COL4A5: variants seen among roughly 807,000 people sequenced by gnomAD.
The protein encoded by COL4A5 is collagen alpha-5(IV) chain.
In COL4A5, 26 loss-of-function variants were observed where a neutral mutation model predicts 130.2. The observed-to-expected ratio is 0.20, with a 90% CI of 0.15 to 0.28. The LOEUF (loss-of-function observed/expected upper bound fraction) is 0.28. COL4A5 is among the 10% of genes least tolerant of loss of function. COL4A5 has a pLI of 1.00. For missense variants in COL4A5, 1,131 were observed against 1,344.3 expected (o/e 0.84, Z 2.48); for synonymous variants, 496 against 439.6 (o/e 1.13, Z -1.60).
intron 1 of COL4A5, among the ~76,000 whole-genome samples, chrX:108,490,892 A>G (rs1203308927): frequency 8.9e-6 from 1 of 111,872 alleles, no homozygotes; most frequent in Non-Finnish European, 1.9e-5. Flanking sequence ...ATAAGTGAGA[A>G]CATACAGTAT....
intron 1 of COL4A5, among the ~76,000 whole-genome samples, chrX:108,531,533 G>A (rs1219798522): frequency 9.2e-6 from 1 of 109,196 alleles, no homozygotes; most frequent in Non-Finnish European, 1.9e-5. Flanking sequence ...ATCTAGCAAT[G>A]CACCTCAAGG....
At chrX:108,628,691 T>G (rs1219813013) in intron 36 of COL4A5, among the ~76,000 whole-genome samples, 1 of 112,089 alleles carries the variant, frequency 8.9e-6, no homozygotes, top group Non-Finnish European at 1.9e-5. Context: ...TTTCTCCCAG[T>G]CAGTTGTTTG....
chrX:108,441,500 C>G (rs761543455), intron 1 of COL4A5, among the ~76,000 whole-genome samples: 105 of 112,062 alleles, frequency 9.4e-4, no homozygotes, highest in Non-Finnish European at 2.8e-4. Flanking sequence ...TCATATTACT[C>G]TGAGCACAAC....
intron 1 of COL4A5, among the ~76,000 whole-genome samples, chrX:108,470,626 T>A (rs776122680): frequency 8.9e-6 from 1 of 111,940 alleles, no homozygotes; most frequent in South Asian, 3.7e-4. Context: ...TTTCTTTTGC[T>A]GTGCAGAAGC....
chrX:108,440,175 T>A lies in COL4A5; in HGVS notation c.50T>A (p.Leu17Gln), dbSNP rs1299791698. 3 of 1,207,263 alleles carry A rather than the reference T, an allele frequency of 2.5e-6. No homozygotes were observed. The highest frequency in any genetic ancestry group is 3.0e-5 in the East Asian group (1 of 33,732). The change falls in exon 1 of 53, where the codon CTG becomes CAG. Residue 17 changes from leucine to glutamine, a missense_variant. Leu to Gln is a moderately radical substitution (Grantham distance 113). Transcript: ENST00000328300. ...SLAAGLFLLA[L>Q]SLWGQPAEAA... ...GCTGCCGGCTTGTTCTTACTGGCCC[T>A]GAGTCTTTGGGGGCAGCCTGCAGAG...
At chrX:108,481,225 G>A in intron 1 of COL4A5, among the ~76,000 whole-genome samples, 1 of 110,680 alleles carries the variant, frequency 9.0e-6, no homozygotes, top group Admixed American at 9.6e-5. Context: ...CAGAGCCAGT[G>A]TCCAGTAGTC....
At chrX:108,639,729 C>T (rs1193682669) in intron 36 of COL4A5, among the ~76,000 whole-genome samples, 1 of 111,954 alleles carries the variant, frequency 8.9e-6, no homozygotes, top group Non-Finnish European at 1.9e-5. Flanking sequence ...AAGCAAATGA[C>T]TTGAATAGAC....
At chrX:108,504,655 C>G (rs936680178) in intron 1 of COL4A5, among the ~76,000 whole-genome samples, 8 of 112,333 alleles carry the variant, frequency 7.1e-5, no homozygotes, top group African/African-American at 9.7e-5. Flanking sequence ...TATCACTAAT[C>G]ATCAATGTAA....
chrX:108,491,777 G>T (rs1030106495), intron 1 of COL4A5, among the ~76,000 whole-genome samples: 3 of 111,469 alleles, frequency 2.7e-5, no homozygotes, highest in African/African-American at 6.5e-5. Context: ...TCTTAAATAA[G>T]TGTGTTTGTT....
At position 108,595,538 on chromosome X, in the gene COL4A5, A is replaced by G. The variant is rs150042298; in HGVS notation, c.1453A>G (p.Ile485Val). 4.1e-6 allele frequency: 5 copies of G among 1,210,744 alleles called. No homozygotes were observed. The South Asian group carries it at 5.3e-5, about 13-fold the overall frequency. The change falls in exon 22 of 53, where the codon ATT becomes GTT. Residue 485 changes from isoleucine (I) to valine (V), a missense_variant. By Grantham distance (29) the Ile-to-Val change is conservative (BLOSUM62 3). Coordinates refer to ENST00000328300, the MANE Select transcript of COL4A5 (RefSeq NM_033380.3). ...CAAAGGTGACACTTGCTTCAACTGC[A>G]TTGGAACTGGTATTTCAGGGCCTCC... is the stretch of plus-strand genomic sequence containing the variant. ...GDKGDTCFNCIGTGISGPPGQ... is the reference protein window; with the variant it reads ...GDKGDTCFNCVGTGISGPPGQ...
chrX:108,542,998 C>A (rs2065574234), intron 2 of COL4A5, among the ~76,000 whole-genome samples: 1 of 110,636 alleles, frequency 9.0e-6, no homozygotes, highest in South Asian at 3.8e-4. Context: ...ATTGTAGATT[C>A]TGGATATTAG....
At chrX:108,666,706 A>C in intron 39 of COL4A5, 112 bp downstream of exon 39, 1 of 644,097 alleles carries the variant, frequency 1.6e-6, no homozygotes, top group South Asian at 2.5e-5. Context: ...AAGCTACCAC[A>C]CACTTTCCCC....
rs769944820 is a variant in COL4A5, at chrX:108,675,592, A to T, written c.3808+839A>T. On this transcript the variant is annotated intron_variant, in intron 43 of 52. Coordinates refer to ENST00000328300, the MANE Select transcript of COL4A5 (RefSeq NM_033380.3). The stretch of plus-strand genomic sequence containing the variant: ...GATTGAGAAGGGAATTTCTGTGTTG[A>T]CTGGTTGCCAGCCTAGGGTGACTAT... Among the ~76,000 whole-genome samples the T allele has an allele frequency of 7.8e-4, 87 of 111,295 alleles. 1 individual carries two copies. The highest frequency in any genetic ancestry group is 2.1e-3 in the African/African-American group (66 of 30,745).
chrX:108,682,206 C>T (rs748329540), intron 47 of COL4A5, among the ~76,000 whole-genome samples: 10 of 111,071 alleles, frequency 9.0e-5, no homozygotes, highest in Non-Finnish European at 1.9e-4. Context: ...TGGTTTTGTC[C>T]ATGCAAAGGA....
intron 6 of COL4A5, 25 bp downstream of exon 6, chrX:108,568,846 G>A (rs1315853074): frequency 5.2e-6 from 6 of 1,153,332 alleles, no homozygotes; most frequent in Non-Finnish European, 7.1e-6. Flanking sequence ...TTTAATCTTG[G>A]GTAGTATACT....
At position 108,606,796 on chromosome X, in the gene COL4A5, T is replaced by C. The variant is rs756421439; in HGVS notation, c.2299T>C (p.Phe767Leu). 8 of 1,211,344 alleles carry C rather than the reference T, an allele frequency of 6.6e-6. No individual in the cohort carries two copies. In the South Asian group the frequency reaches 1.4e-4, roughly 21 times the overall value. Residue 767 changes from phenylalanine (F) to leucine (L), a missense_variant, in exon 29 of 53, where the codon TTC becomes CTC. Coordinates refer to ENST00000328300, the MANE Select transcript of COL4A5 (RefSeq NM_033380.3). ...GPPGPPGLPG[F>L]KGALGPKGDR... Reference sequence around the variant, plus strand: ...ACCTGGGCCACCAGGACTTCCAGGTTTCAAAGGAGCACTTGGTCCAAAAGG... The same window carrying C: ...ACCTGGGCCACCAGGACTTCCAGGTCTCAAAGGAGCACTTGGTCCAAAAGG...
intron 16 of COL4A5, among the ~76,000 whole-genome samples, chrX:108,581,919 A>G (rs2066257124): frequency 9.1e-6 from 1 of 110,377 alleles, no homozygotes; most frequent in Non-Finnish European, 1.9e-5. Flanking sequence ...AAGTTTTGAC[A>G]GGTAATTCTT....
intron 1 of COL4A5, among the ~76,000 whole-genome samples, chrX:108,529,030 C>T (rs2065353999): frequency 9.0e-6 from 1 of 111,435 alleles, no homozygotes; most frequent in Non-Finnish European, 1.9e-5. Context: ...AGTCTAAAGT[C>T]AAATATAAAG....
At chrX:108,499,500 C>T (rs2065061707) in intron 1 of COL4A5, among the ~76,000 whole-genome samples, 1 of 110,130 alleles carries the variant, frequency 9.1e-6, no homozygotes, top group Admixed American at 9.7e-5. Flanking sequence ...TTTGAATGTG[C>T]TTCCTCTTCC....
Sources: gnomAD v4.1 joint callset for allele counts (sites outside exome capture counted in the v4.1 genomes callset) on GRCh38, gnomAD v4.1.1 for gene constraint, MANE v1.5 for transcripts, NCBI Gene and HGNC (gene_info 2026-07-23, HGNC 2026-07-21) for gene names.